SNTG1: variants seen among roughly 807,000 people sequenced by gnomAD.
The protein encoded by SNTG1 is syntrophin gamma 1, also known as gamma-1-syntrophin.
Under a neutral mutation model 74.7 loss-of-function variants are expected in SNTG1, and 39 were observed. The observed-to-expected ratio is 0.52, with a 90% CI of 0.40 to 0.68. SNTG1 has a LOEUF of 0.68. Among genes scored for constraint, SNTG1 ranks in the 30% least tolerant of loss-of-function variants. The probability of loss-of-function intolerance (pLI) is 0.00; values close to 1 mark genes in which losing one functional copy is unlikely to be tolerated. For missense variants in SNTG1, 685 were observed against 609.5 expected, an observed-to-expected ratio of 1.12 and a Z score of -1.30; for synonymous variants, 254 against 217.1, an observed-to-expected ratio of 1.17 and a Z score of -1.49.
At chr8:50,670,399 T>A (rs1329188659) in intron 15 of SNTG1, among the ~76,000 whole-genome samples, 1 of 149,904 alleles carries the variant, frequency 6.7e-6, no homozygotes, top group African/African-American at 2.5e-5. Flanking sequence ...ACACCAATAA[T>A]AGACAAACAG....
At chr8:50,509,815 G>A (rs1052690747) in intron 9 of SNTG1, among the ~76,000 whole-genome samples, 2 of 152,026 alleles carry the variant, frequency 1.3e-5, no homozygotes, top group African/African-American at 4.8e-5. Context: ...GGAGATTTTG[G>A]GCTGAGATGA....
At chr8:50,576,308 G>A (rs942102195) in intron 12 of SNTG1, among the ~76,000 whole-genome samples, 3 of 152,052 alleles carry the variant, frequency 2.0e-5, no homozygotes, top group Non-Finnish European at 4.4e-5. Context: ...GCTTATTTCT[G>A]GACTCTATTC....
intron 2 of SNTG1, among the ~76,000 whole-genome samples, chr8:50,250,591 A>C (rs2086603588): frequency 6.6e-6 from 1 of 152,166 alleles, no homozygotes. Context: ...CATATAGGGG[A>C]ATTTCCATTA....
chr8:50,688,211 G>A (rs2095361394), intron 15 of SNTG1, among the ~76,000 whole-genome samples: 1 of 152,086 alleles, frequency 6.6e-6, no homozygotes, highest in Non-Finnish European at 1.5e-5. Flanking sequence ...TAGGTTGCCT[G>A]TTCACTCTGA....
chr8:50,795,057 C>T lies in SNTG1; in HGVS notation c.*2228C>T, dbSNP rs1262468170. On this transcript the variant is annotated 3_prime_UTR_variant, in exon 19 of 19. Coordinates refer to ENST00000642720, the MANE Select transcript of SNTG1 (RefSeq NM_018967.5). ...ACCTACATATGTATTTATATGCATA[C>T]ATGGGTGTATATATATATAAATATA... The T allele has an allele frequency of 1.5e-5, 2 of 136,594 alleles. No homozygotes were observed. Among genetic ancestry groups the T allele is most frequent in the Non-Finnish European group, 3.2e-5 (2 of 61,564 alleles). The allele number at this position is 136,594 out of a possible 1,614,324, so 8.5% of individuals were successfully genotyped here. A position where few individuals can be genotyped will look rare whatever the true frequency, so the allele number is the denominator to read the frequency against.
chr8:50,546,099 G>A (rs1235930214), intron 11 of SNTG1, among the ~76,000 whole-genome samples: 1 of 152,088 alleles, frequency 6.6e-6, no homozygotes. Flanking sequence ...TGTCATAGAA[G>A]TTATTTCAAT....
chr8:50,333,223 T>A (rs187983303), intron 2 of SNTG1, among the ~76,000 whole-genome samples: 1 of 152,228 alleles, frequency 6.6e-6, no homozygotes, highest in Non-Finnish European at 1.5e-5. Context: ...CTATGTATCA[T>A]AATTTATAAA....
At chr8:50,434,926 A>G (rs907956753) in intron 4 of SNTG1, among the ~76,000 whole-genome samples, 9 of 151,966 alleles carry the variant, frequency 5.9e-5, no homozygotes, top group Non-Finnish European at 1.3e-4. Context: ...CATGATTTCC[A>G]CTTCTTCCTA....
chr8:50,779,125 G>A (rs905977558), intron 18 of SNTG1, among the ~76,000 whole-genome samples: 1 of 152,146 alleles, frequency 6.6e-6, no homozygotes, highest in African/African-American at 2.4e-5. Context: ...ATAGTTTGAA[G>A]TCAGGTAGTG....
At chr8:50,577,918 C>A (rs1460905559) in intron 12 of SNTG1, among the ~76,000 whole-genome samples, 1 of 152,156 alleles carries the variant, frequency 6.6e-6, no homozygotes, top group African/African-American at 2.4e-5. Context: ...TTTCAAAGTC[C>A]AGTCCTCAGT....
chr8:50,079,385 T>G (rs1822188833), intron 1 of SNTG1, among the ~76,000 whole-genome samples: 3 of 151,732 alleles, frequency 2.0e-5, no homozygotes, highest in Non-Finnish European at 4.4e-5. Flanking sequence ...TCATATCCTT[T>G]GCCCACTTTT....
intron 2 of SNTG1, among the ~76,000 whole-genome samples, chr8:50,223,529 G>A (rs1006269550): frequency 3.3e-5 from 5 of 152,010 alleles, no homozygotes; most frequent in Admixed American, 1.3e-4. Context: ...TATGCAAAAG[G>A]AAGGTATTTT....
At chr8:50,606,120 G>T (rs112450001) in intron 13 of SNTG1, among the ~76,000 whole-genome samples, 1 of 151,970 alleles carries the variant, frequency 6.6e-6, no homozygotes, top group Admixed American at 6.6e-5. Flanking sequence ...GTTTTTATTC[G>T]AAGTAATTTT....
At chr8:50,518,587 A>T (rs2094153319) in intron 9 of SNTG1, among the ~76,000 whole-genome samples, 1 of 152,164 alleles carries the variant, frequency 6.6e-6, no homozygotes, top group African/African-American at 2.4e-5. Flanking sequence ...AGAGAGAAGA[A>T]TCAAATAGAC....
chr8:50,432,206 A>G (rs1477077897), intron 4 of SNTG1, among the ~76,000 whole-genome samples: 6 of 152,196 alleles, frequency 3.9e-5, no homozygotes, highest in Non-Finnish European at 8.8e-5. Context: ...AGAGCATAGT[A>G]TACATGCCTT....
At chr8:50,677,107 A>G (rs928092600) in intron 15 of SNTG1, among the ~76,000 whole-genome samples, 3 of 151,998 alleles carry the variant, frequency 2.0e-5, no homozygotes, top group African/African-American at 7.2e-5. Flanking sequence ...ATGAATGATT[A>G]TGGATTTCCA....
chr8:50,717,218 C>T (rs2095477221), intron 17 of SNTG1, among the ~76,000 whole-genome samples: 1 of 152,012 alleles, frequency 6.6e-6, no homozygotes, highest in African/African-American at 2.4e-5. Context: ...CTCCTTAAAT[C>T]TTTACTTTTT....
At chr8:50,413,753 T>G (rs1213210418) in intron 4 of SNTG1, among the ~76,000 whole-genome samples, 1 of 152,210 alleles carries the variant, frequency 6.6e-6, no homozygotes, top group African/African-American at 2.4e-5. Context: ...TTTTTTCATA[T>G]TTTGAACTTG....
At chr8:50,011,422 A>G (rs948053667) in intron 1 of SNTG1, among the ~76,000 whole-genome samples, 2 of 152,178 alleles carry the variant, frequency 1.3e-5, no homozygotes, top group African/African-American at 4.8e-5. Flanking sequence ...TTTAAGCACA[A>G]ATATTTTTAA....
Sources: gnomAD v4.1 joint callset for allele counts (sites outside exome capture counted in the v4.1 genomes callset) on GRCh38, gnomAD v4.1.1 for gene constraint, MANE v1.5 for transcripts, NCBI Gene and HGNC (gene_info 2026-07-23, HGNC 2026-07-21) for gene names.